EVA1C: variants seen among roughly 807,000 people sequenced by gnomAD.
EVA1C encodes protein eva-1 homolog C.
In EVA1C, 25 loss-of-function variants were observed where a neutral mutation model predicts 45.4. The observed-to-expected ratio is 0.55, with a 90% confidence interval of 0.40 to 0.77. EVA1C has a LOEUF of 0.77. Ranked by LOEUF, EVA1C falls within the 30% of genes least tolerant of loss-of-function variation. The pLI, the probability that EVA1C is intolerant of heterozygous loss-of-function variation, is 0.00. For synonymous variants in EVA1C, 190 were observed against 221.2 expected (o/e 0.86, Z 1.25); for missense variants, 479 against 554.8 (o/e 0.86, Z 1.37).
At chr21:32,424,800 A>G (rs2034424006) in intron 1 of EVA1C, among the ~76,000 whole-genome samples, 1 of 151,820 alleles carries the variant, frequency 6.6e-6, no homozygotes. Flanking sequence ...TGATTTCCGT[A>G]TTTTTTTTAT....
chr21:32,502,064 T>C (rs2037575854), intron 6 of EVA1C, among the ~76,000 whole-genome samples: 1 of 150,204 alleles, frequency 6.7e-6, no homozygotes, highest in Non-Finnish European at 1.5e-5. Flanking sequence ...TCTTTCTTTC[T>C]TTCTTCTGTC....
At chr21:32,416,321 C>CT (rs909665670) in intron 1 of EVA1C, among the ~76,000 whole-genome samples, 2,380 of 134,208 alleles carry the variant, frequency 0.018, 35 homozygotes, top group East Asian at 0.083. Context: ...TTTTCTTTTT[C>CT]TTTTTTTTTT....
intron 3 of EVA1C, 45 bp downstream of exon 3, chr21:32,457,765 C>T (rs926827728): frequency 5.6e-6 from 9 of 1,610,540 alleles, no homozygotes; most frequent in African/African-American, 2.7e-5. Context: ...GTGTGGTTCT[C>T]GTTTCCTTCA....
intron 4 of EVA1C, among the ~76,000 whole-genome samples, chr21:32,491,555 G>A (rs1232422261): frequency 1.3e-5 from 2 of 151,946 alleles, no homozygotes; most frequent in African/African-American, 4.8e-5. Flanking sequence ...CGGGCATGGT[G>A]GCAGGCGCCT....
chr21:32,497,212 A>C, intron 5 of EVA1C: 2 of 816,982 alleles, frequency 2.4e-6, no homozygotes, highest in Non-Finnish European at 4.3e-6. Flanking sequence ...TTAAGGGAAA[A>C]ACCGTCCAGC....
intron 4 of EVA1C, among the ~76,000 whole-genome samples, chr21:32,471,750 T>C (rs957913553): frequency 5.3e-5 from 8 of 151,886 alleles, no homozygotes; most frequent in Non-Finnish European, 1.0e-4. Context: ...TGCCTCAGCC[T>C]CCCGAGTAAC....
At chr21:32,484,118 A>G (rs1448637671) in intron 4 of EVA1C, among the ~76,000 whole-genome samples, 1 of 152,112 alleles carries the variant, frequency 6.6e-6, no homozygotes, top group Non-Finnish European at 1.5e-5. Context: ...TGAGTAGAAG[A>G]GTTTCCCTGA....
chr21:32,507,623 CGT>C (rs1190563065), intron 7 of EVA1C, among the ~76,000 whole-genome samples: 1 of 144,878 alleles, frequency 6.9e-6, no homozygotes, highest in African/African-American at 2.6e-5. Flanking sequence ...TGTGTACATG[CGT>C]ATCTGTGTGT....
At chr21:32,507,862 T>C (rs1441008284) in intron 7 of EVA1C, among the ~76,000 whole-genome samples, 1 of 151,916 alleles carries the variant, frequency 6.6e-6, no homozygotes, top group African/African-American at 2.4e-5. Flanking sequence ...CTTGTGCGTG[T>C]GTGCCGTCAT....
chr21:32,460,696 G>A (rs527891234), intron 3 of EVA1C, among the ~76,000 whole-genome samples: 1 of 152,188 alleles, frequency 6.6e-6, no homozygotes, highest in African/African-American at 2.4e-5. Context: ...CAAGATTCCA[G>A]GTAGGGTCAG....
At chr21:32,507,168 T>C (rs1404223185) in intron 7 of EVA1C, among the ~76,000 whole-genome samples, 1 of 152,224 alleles carries the variant, frequency 6.6e-6, no homozygotes, top group African/African-American at 2.4e-5. Context: ...AAGCATCTCC[T>C]GGGGTCATCT....
At chr21:32,454,508 G>A (rs1010659635) in intron 2 of EVA1C, among the ~76,000 whole-genome samples, 1 of 152,034 alleles carries the variant, frequency 6.6e-6, no homozygotes, top group African/African-American at 2.4e-5. Context: ...ACTGTGCATG[G>A]CTTTCAATCA....
intron 4 of EVA1C, 52 bp downstream of exon 4, chr21:32,467,900 A>G (rs4816434): frequency 0.34 from 418,193 of 1,220,646 alleles, 74,896 homozygotes; most frequent in East Asian, 0.55. Flanking sequence ...GGACAGAATT[A>G]ATAGAATATA....
At chr21:32,513,859 T>G (rs1374532004) in intron 7 of EVA1C, among the ~76,000 whole-genome samples, 1 of 152,164 alleles carries the variant, frequency 6.6e-6, no homozygotes, top group African/African-American at 2.4e-5. Context: ...TATTTTATAT[T>G]ACAGTTGGCC....
At chr21:32,478,378 C>T (rs916313029) in intron 4 of EVA1C, among the ~76,000 whole-genome samples, 1 of 151,996 alleles carries the variant, frequency 6.6e-6, no homozygotes. Context: ...ACCACCAAGT[C>T]CCACTAATAT....
intron 1 of EVA1C, among the ~76,000 whole-genome samples, chr21:32,427,670 G>A (rs539270263): frequency 1.3e-5 from 2 of 150,788 alleles, no homozygotes; most frequent in Admixed American, 6.6e-5. Context: ...CCGATATCGT[G>A]CCACTGCACT....
upstream of EVA1C, chr21:32,412,103 T>A (rs1472131236): frequency 6.6e-6 from 1 of 152,314 alleles, no homozygotes; most frequent in Admixed American, 6.5e-5. Flanking sequence ...TCTGACCGGT[T>A]TTGAGACCTC....
intron 7 of EVA1C, among the ~76,000 whole-genome samples, chr21:32,508,581 T>A (rs1163249489): frequency 6.6e-6 from 1 of 152,192 alleles, no homozygotes; most frequent in African/African-American, 2.4e-5. Flanking sequence ...TCGGATGTGT[T>A]CCCACGGTCT....
At chr21:32,429,080 C>A (rs1312985865) in intron 1 of EVA1C, among the ~76,000 whole-genome samples, 1 of 145,598 alleles carries the variant, frequency 6.9e-6, no homozygotes, top group Non-Finnish European at 1.5e-5. Context: ...AGATTGTCGC[C>A]TTGGTGCAAT....
Sources: gnomAD v4.1 joint callset for allele counts (sites outside exome capture counted in the v4.1 genomes callset) on GRCh38, gnomAD v4.1.1 for gene constraint, MANE v1.5 for transcripts, NCBI Gene and HGNC (gene_info 2026-07-23, HGNC 2026-07-21) for gene names.